Variants in MAPRE3 observed in about 807,000 individuals in gnomAD.
MAPRE3 encodes microtubule associated protein RP/EB family member 3, also known as microtubule-associated protein RP/EB family member 3.
Under a neutral mutation model 30.5 loss-of-function variants are expected in MAPRE3, and 2 were observed. The ratio of observed to expected loss-of-function variants is 0.07; its 90% CI spans 0.03 to 0.21. The LOEUF is 0.21. Among genes scored for constraint, MAPRE3 ranks in the 10% least tolerant of loss-of-function variants. The pLI is 1.00. For missense variants in MAPRE3, 204 were observed against 351.8 expected (o/e 0.58, Z 3.36); for synonymous variants, 110 against 127.7 (o/e 0.86, Z 0.93).
At chr2:26,984,422 A>C (rs1487485464) in intron 1 of MAPRE3, among the ~76,000 whole-genome samples, 2 of 152,204 alleles carry the variant, frequency 1.3e-5, no homozygotes. Flanking sequence ...TTAAACATGG[A>C]ATCTAACTAT....
chr2:26,995,975 C>A (rs1433358466), intron 1 of MAPRE3, among the ~76,000 whole-genome samples: 1 of 151,816 alleles, frequency 6.6e-6, no homozygotes, highest in Non-Finnish European at 1.5e-5. Flanking sequence ...TTCATATCTG[C>A]CTATCGCCTC....
chr2:27,021,816 A>G lies in MAPRE3; in HGVS notation c.-7-396A>G, dbSNP rs191554496. On this transcript the variant is annotated intron_variant, in intron 1 of 6. Coordinates refer to ENST00000233121, the MANE Select transcript of MAPRE3 (RefSeq NM_012326.4). ...CCCTTTTTATGTCTGGAAAATTCCT[A>G]TTCTTCTCAGGCTCCAACATCTCTG... Among the ~76,000 whole-genome samples the G allele has an allele frequency of 8.5e-5, 13 of 152,230 alleles. No homozygotes were observed. In the East Asian group the frequency reaches 1.4e-3, roughly 16 times the overall value.
intron 1 of MAPRE3, among the ~76,000 whole-genome samples, chr2:27,007,190 T>C (rs1666749430): frequency 6.6e-6 from 1 of 152,236 alleles, no homozygotes; most frequent in African/African-American, 2.4e-5. Flanking sequence ...GTCTATATCT[T>C]GCATGTACAA....
chr2:26,991,682 CCATCCCTTCAGA>C (rs1387389922), intron 1 of MAPRE3, among the ~76,000 whole-genome samples: 8 of 152,278 alleles, frequency 5.3e-5, no homozygotes, highest in African/African-American at 1.9e-4. Context: ...CTTTCTATTT[CCATCCCTTCAGA>C]ATCCTGTAAT....
intron 3 of MAPRE3, 70 bp from the exon 4 acceptor site, chr2:27,024,026 C>T: frequency 8.1e-7 from 1 of 1,227,912 alleles, no homozygotes; most frequent in Non-Finnish European, 1.2e-6. Context: ...AGAGCAGTGG[C>T]CCTCAGCAGA....
intron 1 of MAPRE3, among the ~76,000 whole-genome samples, chr2:26,971,693 A>C (rs1665919258): frequency 6.6e-6 from 1 of 151,904 alleles, no homozygotes; most frequent in Admixed American, 6.6e-5. Context: ...TACCATCCAT[A>C]GGAAGTGCTT....
intron 1 of MAPRE3, among the ~76,000 whole-genome samples, chr2:26,995,956 C>T (rs946579586): frequency 1.3e-5 from 2 of 151,734 alleles, no homozygotes; most frequent in African/African-American, 4.8e-5. Flanking sequence ...CTTCAGCTTG[C>T]TTGGCCCATT....
intron 1 of MAPRE3, among the ~76,000 whole-genome samples, chr2:26,997,881 C>T (rs1348687559): frequency 6.6e-6 from 1 of 152,140 alleles, no homozygotes; most frequent in Non-Finnish European, 1.5e-5. Flanking sequence ...TTAGAAGGGA[C>T]CTTAAGAAGT....
intron 1 of MAPRE3, among the ~76,000 whole-genome samples, chr2:27,011,292 C>T (rs1000602772): frequency 2.6e-5 from 4 of 152,254 alleles, no homozygotes; most frequent in South Asian, 4.1e-4. Flanking sequence ...CAGAAACCCT[C>T]TAACTGCTGA....
At chr2:26,973,468 T>C (rs1410429820) in intron 1 of MAPRE3, among the ~76,000 whole-genome samples, 1 of 152,108 alleles carries the variant, frequency 6.6e-6, no homozygotes, top group Non-Finnish European at 1.5e-5. Context: ...CTGAGCCAAC[T>C]AACTGGCAGC....
At chr2:26,972,758 G>A (rs143646366) in intron 1 of MAPRE3, among the ~76,000 whole-genome samples, 5 of 152,358 alleles carry the variant, frequency 3.3e-5, no homozygotes, top group East Asian at 1.9e-4. Flanking sequence ...GATCAGGAGG[G>A]TGTAAGTAAA....
At chr2:26,980,738 C>T (rs906286462) in intron 1 of MAPRE3, among the ~76,000 whole-genome samples, 7 of 152,160 alleles carry the variant, frequency 4.6e-5, no homozygotes, top group Admixed American at 6.5e-5. Context: ...TTTTATACAA[C>T]GTTCTTCATG....
At chr2:26,982,524 C>G (rs1476233526) in intron 1 of MAPRE3, among the ~76,000 whole-genome samples, 2 of 152,216 alleles carry the variant, frequency 1.3e-5, no homozygotes, top group Non-Finnish European at 2.9e-5. Flanking sequence ...CAGGAAGGAA[C>G]AAACAGCTTG....
intron 2 of MAPRE3, among the ~76,000 whole-genome samples, chr2:27,023,087 T>C (rs540445743): frequency 6.6e-6 from 1 of 152,338 alleles, no homozygotes; most frequent in African/African-American, 2.4e-5. Flanking sequence ...AGAGTTCCTG[T>C]TGGGATTGCC....
At chr2:26,990,049 C>T (rs534760969) in intron 1 of MAPRE3, among the ~76,000 whole-genome samples, 2 of 152,212 alleles carry the variant, frequency 1.3e-5, no homozygotes, top group African/African-American at 2.4e-5. Context: ...TACAGTGGTG[C>T]GTGCCTGAAG....
chr2:27,006,136 T>G (rs964323727), intron 1 of MAPRE3, among the ~76,000 whole-genome samples: 1 of 152,004 alleles, frequency 6.6e-6, no homozygotes, highest in African/African-American at 2.4e-5. Context: ...GAGCCAAGAT[T>G]GCACCACTGC....
chr2:27,008,296 G>A (rs1666773764), intron 1 of MAPRE3, among the ~76,000 whole-genome samples: 2 of 152,124 alleles, frequency 1.3e-5, no homozygotes, highest in Admixed American at 1.3e-4. Context: ...TTTAAGAAGC[G>A]AGAGTCTTCT....
intron 1 of MAPRE3, among the ~76,000 whole-genome samples, chr2:26,972,408 T>C (rs1337951170): frequency 6.6e-6 from 1 of 152,264 alleles, no homozygotes; most frequent in Non-Finnish European, 1.5e-5. Context: ...TAGTTTACAG[T>C]AGCCAAGACG....
At chr2:26,987,870 C>T (rs947703572) in intron 1 of MAPRE3, among the ~76,000 whole-genome samples, 4 of 152,318 alleles carry the variant, frequency 2.6e-5, no homozygotes, top group Admixed American at 2.6e-4. Context: ...AATTATGGTG[C>T]ATGCCTCGGA....
Sources: allele counts gnomAD v4.1 joint callset (sites outside exome capture counted in the v4.1 genomes callset), GRCh38; gene constraint gnomAD v4.1.1; transcripts MANE v1.5; gene names NCBI Gene and HGNC (gene_info 2026-07-23, HGNC 2026-07-21).